The following KIF24 variants were observed in gnomAD, a reference collection of about 807,000 sequenced individuals.
The protein encoded by KIF24 is kinesin-like protein KIF24.
In KIF24, 81 loss-of-function variants were observed where a neutral mutation model predicts 118.9. The observed-to-expected ratio is 0.68, with a 90% CI of 0.57 to 0.82. KIF24 has a LOEUF of 0.82. Ranked by LOEUF, KIF24 falls within the 40% of genes least tolerant of loss-of-function variation. KIF24 has a pLI of 0.00. For synonymous variants in KIF24, 599 were observed against 610.0 expected, an observed-to-expected ratio of 0.98 and a Z score of 0.27; for missense variants, 1,560 against 1,661.6, an observed-to-expected ratio of 0.94 and a Z score of 1.06.
intron 8 of KIF24, among the ~76,000 whole-genome samples, chr9:34,268,665 GC>G: frequency 6.6e-6 from 1 of 151,906 alleles, no homozygotes; most frequent in East Asian, 1.9e-4. Flanking sequence ...TCGGCACCAC[GC>G]CCAGCTAACT....
chr9:34,277,017 G>A (rs540787032), intron 6 of KIF24, among the ~76,000 whole-genome samples: 1 of 152,306 alleles, frequency 6.6e-6, no homozygotes, highest in African/African-American at 2.4e-5. Flanking sequence ...GCTGGGATGC[G>A]ATGCTGATGG....
intron 12 of KIF24, among the ~76,000 whole-genome samples, chr9:34,254,758 T>G (rs1485355681): frequency 6.6e-6 from 1 of 151,792 alleles, no homozygotes; most frequent in Non-Finnish European, 1.5e-5. Context: ...AATACCTACG[T>G]GTGGTAGGCA....
chr9:34,277,909 A>G (rs1357155573), intron 6 of KIF24, among the ~76,000 whole-genome samples: 1 of 152,226 alleles, frequency 6.6e-6, no homozygotes, highest in Non-Finnish European at 1.5e-5. Context: ...TTCACATGCC[A>G]GCTCTACCAT....
In KIF24 at chr9:34,256,558, T is replaced by G; in HGVS notation, c.3049A>C (p.Ile1017Leu). 1 of 1,613,990 alleles carries G rather than the reference T, an allele frequency of 6.2e-7. No homozygotes were observed. Among genetic ancestry groups the G allele is most frequent in the Non-Finnish European group, 8.5e-7 (1 of 1,179,892 alleles). Reference sequence around the variant, plus strand: ...TTTTTCACAGTGCTGGTCACCTGGATTGGGCCGTCTGCACTGACTTCTCTC... The same window carrying G: ...TTTTTCACAGTGCTGGTCACCTGGAGTGGGCCGTCTGCACTGACTTCTCTC... ...PLREVSADGPIQVTSTVKNGH... is the reference protein window; with the variant it reads ...PLREVSADGPLQVTSTVKNGH... The change falls in exon 11 of 13, where the codon ATC becomes CTC. Residue 1017 changes from isoleucine (I) to leucine (L), a missense_variant. Physicochemically the swap from Ile to Leu is conservative, Grantham distance 5. This residue lies in a region of KIF24 where 591 missense variants were observed against 655.6 expected (regional missense o/e 0.90). Coordinates refer to ENST00000402558, the MANE Select transcript of KIF24 (RefSeq NM_194313.4).
intron 1 of KIF24, chr9:34,319,331 T>C: frequency 1.1e-6 from 1 of 899,124 alleles, no homozygotes; most frequent in Admixed American, 1.8e-5. Flanking sequence ...AAGCGGGTGG[T>C]GGAAGTTCCC....
intron 1 of KIF24, among the ~76,000 whole-genome samples, chr9:34,321,090 G>C (rs1004162521): frequency 1.7e-4 from 26 of 152,240 alleles, no homozygotes; most frequent in Non-Finnish European, 3.1e-4. Context: ...ACACATCAGA[G>C]ACATCCAATA....
chr9:34,318,639 G>A lies in KIF24; in HGVS notation c.-25-7268C>T, dbSNP rs1837409199. 6.5e-7 allele frequency: 1 copy of A among 1,537,522 alleles called. No homozygotes were observed. Among genetic ancestry groups the A allele is most frequent in the Non-Finnish European group, 8.8e-7 (1 of 1,130,332 alleles). On this transcript the variant is annotated intron_variant, in intron 1 of 12. Transcript: ENST00000402558. The surrounding 1 kb of genome is among the most constrained non-coding windows in gnomAD (Gnocchi z 4.9). ...CCCGTGGTGGTGGCCTCGTCGTTGG[G>A]GCTCGTGTCGCTGGGCGGCAAGGCG...
rs1021817806 is a variant in KIF24, at chr9:34,282,801, C to G, written c.1215+3816G>C. 3.9e-5 allele frequency: 6 copies of G among 152,266 alleles called. No homozygotes were observed. The South Asian group carries it at 1.2e-3, about 32-fold the overall frequency. The allele number at this position is 152,266 out of a possible 1,614,324, so 9.4% of individuals were successfully genotyped here. A position where few individuals can be genotyped will look rare whatever the true frequency, so the allele number is the denominator to read the frequency against. On this transcript the variant is annotated intron_variant, in intron 6 of 12. Coordinates refer to ENST00000402558, the MANE Select transcript of KIF24 (RefSeq NM_194313.4). ...ACGCAGTGCATCATGCCTCTAATCC[C>G]AGCACTTTGGGAGGCCAAGGCTGGT... is the stretch of plus-strand genomic sequence containing the variant.
intron 1 of KIF24, among the ~76,000 whole-genome samples, chr9:34,316,676 T>G (rs1837339863): frequency 1.3e-5 from 2 of 152,280 alleles, no homozygotes; most frequent in Non-Finnish European, 2.9e-5. Context: ...TTCTGTTTTA[T>G]GCCAAGCACT....
chr9:34,301,378 G>T (rs1041217760), intron 3 of KIF24, among the ~76,000 whole-genome samples: 5 of 152,064 alleles, frequency 3.3e-5, no homozygotes, highest in African/African-American at 7.2e-5. Flanking sequence ...CTCCCGAGTA[G>T]CTGGGATTAC....
chr9:34,327,714 T>G (rs1837715082), intron 1 of KIF24, among the ~76,000 whole-genome samples: 1 of 152,030 alleles, frequency 6.6e-6, no homozygotes, highest in African/African-American at 2.4e-5. Context: ...AATTCAATTC[T>G]TTGATTTTCC....
chr9:34,262,089 G>A (rs575587451), intron 9 of KIF24, among the ~76,000 whole-genome samples: 6 of 152,182 alleles, frequency 3.9e-5, no homozygotes, highest in African/African-American at 1.2e-4. Context: ...CCACAGGCAC[G>A]AGCCACCACA....
At position 34,256,292 on chromosome 9, in the gene KIF24, C is replaced by T; in HGVS notation, c.3315G>A (p.Val1105=). 1 of 1,611,800 alleles carries T rather than the reference C, an allele frequency of 6.2e-7. No individual in the cohort carries two copies. The highest frequency in any genetic ancestry group is 1.1e-5 in the South Asian group (1 of 90,868). Residue 1105 remains valine, a synonymous_variant, in exon 11 of 13, where the codon GTG becomes GTA. Transcript: ENST00000402558. ...GCCACAGGTGCCTAGTTGCTGAAGACACTGGCAAGGCTGCCTCTTGATCAC... is the reference window on the plus strand; with the variant it reads ...GCCACAGGTGCCTAGTTGCTGAAGATACTGGCAAGGCTGCCTCTTGATCAC... The part of the protein sequence containing the change: ...PSGDQEAALP[V]SSATRHLWLS...
At chr9:34,310,640 AT>A in intron 2 of KIF24, 83 bp downstream of exon 2, 4 of 899,942 alleles carry the variant, frequency 4.4e-6, no homozygotes, top group Non-Finnish European at 6.8e-6. Context: ...TAAGGAGTAG[AT>A]GCTGTCTGCT....
In KIF24 at chr9:34,256,440, A is replaced by G; in HGVS notation, c.3167T>C (p.Leu1056Pro). The G allele has an allele frequency of 6.2e-7, 1 of 1,613,852 alleles. No homozygotes were observed. Among genetic ancestry groups the G allele is most frequent in the South Asian group, 1.1e-5 (1 of 91,074 alleles). Residue 1056 changes from leucine (L) to proline (P), a missense_variant, in exon 11 of 13, where the codon CTC (leucine) becomes CCC (proline). By Grantham distance (98) the Leu-to-Pro change is moderately conservative. Coordinates refer to ENST00000402558, the MANE Select transcript of KIF24 (RefSeq NM_194313.4). ...CCCTTCGTTGTCTGGGTTCTCCAGG[A>G]GGGACATGGTGAGGGGAGACATGAG... ...SGLMSPLTMS[L>P]LENPDNEGSP...
intron 1 of KIF24, among the ~76,000 whole-genome samples, chr9:34,326,344 AG>A (rs1466313949): frequency 6.6e-6 from 1 of 152,148 alleles, no homozygotes; most frequent in Admixed American, 6.5e-5. Flanking sequence ...AGGGCGACAG[AG>A]TAAGAGCCTG....
At chr9:34,313,031 T>C (rs1422085185) in intron 1 of KIF24, among the ~76,000 whole-genome samples, 2 of 152,236 alleles carry the variant, frequency 1.3e-5, no homozygotes, top group Admixed American at 6.5e-5. Context: ...GATTTGTTTT[T>C]TAAAGACCAA....
intron 12 of KIF24, 104 bp from the exon 13 acceptor site, chr9:34,254,624 C>G (rs113264552): frequency 8.4e-7 from 1 of 1,189,512 alleles, no homozygotes; most frequent in African/African-American, 1.5e-5. Context: ...AGAACCCAGG[C>G]CACTCTTCCA....
chr9:34,269,813 G>T (rs1835434759), intron 7 of KIF24, among the ~76,000 whole-genome samples: 1 of 152,166 alleles, frequency 6.6e-6, no homozygotes, highest in Non-Finnish European at 1.5e-5. Context: ...TACTGAGCTG[G>T]GTGTGGTGGC....
Sources: gnomAD v4.1 joint callset for allele counts (sites outside exome capture counted in the v4.1 genomes callset) on GRCh38, gnomAD v4.1.1 for gene constraint, gnomAD v4.1.1 regional missense constraint, Gnocchi (gnomAD v3.1) non-coding constraint, MANE v1.5 for transcripts, NCBI Gene and HGNC (gene_info 2026-07-23, HGNC 2026-07-21) for gene names.